RAB37: variants seen among roughly 807,000 people sequenced by gnomAD.
RAB37 encodes the protein RAB37, member RAS oncogene family.
In RAB37, 29 loss-of-function variants were observed where a neutral mutation model predicts 33.1. The observed-to-expected ratio is 0.88, with a 90% CI of 0.65 to 1.20. RAB37 has a LOEUF of 1.20. Among genes scored for constraint, RAB37 ranks in the 50% most tolerant of loss-of-function variants. The probability of loss-of-function intolerance (pLI) is 0.00; values close to 1 mark genes in which losing one functional copy is unlikely to be tolerated. For missense variants in RAB37, 299 were observed against 301.1 expected (o/e 0.99, Z 0.05); for synonymous variants, 128 against 119.5 (o/e 1.07, Z -0.47).
chr17:74,688,288 G>A (rs1400483118), intron 1 of RAB37, among the ~76,000 whole-genome samples: 11 of 152,180 alleles, frequency 7.2e-5, no homozygotes, highest in Admixed American at 6.5e-4. Context: ...GGTGGCTCAC[G>A]TCTGTAATCC....
In RAB37 at chr17:74,676,679, T is replaced by C. The variant is rs1185180380; in HGVS notation, c.72+5021T>C. ...TCATTGTCGAGAATATAGACGCAAA[T>C]GATTCCCACCTTCACTAAGCCTGTG... is the stretch of plus-strand genomic sequence containing the variant. On this transcript the variant is annotated intron_variant, in intron 1 of 7. Transcript: ENST00000340415. This position sits in a 1 kb window ranked among gnomAD's most constrained non-coding sequence, Gnocchi z 4.1. Among the ~76,000 whole-genome samples, 3 of 152,168 alleles carry C rather than the reference T, an allele frequency of 2.0e-5. No individual in the cohort carries two copies. In the South Asian group the frequency reaches 6.2e-4, roughly 32 times the overall value.
At chr17:74,708,321 A>G (rs2033679646) in intron 1 of RAB37, among the ~76,000 whole-genome samples, 1 of 152,164 alleles carries the variant, frequency 6.6e-6, no homozygotes, top group African/African-American at 2.4e-5. Flanking sequence ...ATACAGCTTC[A>G]ATGGAAATAT....
intron 1 of RAB37, among the ~76,000 whole-genome samples, chr17:74,699,339 CCT>C (rs1305743257): frequency 6.6e-6 from 1 of 152,170 alleles, no homozygotes; most frequent in Non-Finnish European, 1.5e-5. Context: ...CTACACCTGC[CCT>C]CTCTACTGGG....
chr17:74,680,676 C>T (rs1434304601), intron 1 of RAB37, among the ~76,000 whole-genome samples: 1 of 152,056 alleles, frequency 6.6e-6, no homozygotes, highest in Admixed American at 6.6e-5. Context: ...TGCCTTGGGC[C>T]GGACAGTCAT....
chr17:74,740,734 C>T (rs759848524), intron 1 of RAB37, 34 bp from the exon 2 acceptor site: 3 of 1,428,676 alleles, frequency 2.1e-6, no homozygotes. Context: ...CTGCCCCTGA[C>T]TCCCCATTAA....
chr17:74,695,893 G>A (rs1475321848), intron 1 of RAB37: 1 of 1,602,252 alleles, frequency 6.2e-7, no homozygotes, highest in South Asian at 1.1e-5. Context: ...GGAGTCACAA[G>A]ATCTGTCTGT....
intron 1 of RAB37, among the ~76,000 whole-genome samples, chr17:74,724,068 CAA>C (rs1291863733): frequency 6.6e-6 from 1 of 152,138 alleles, no homozygotes; most frequent in East Asian, 1.9e-4. Flanking sequence ...AAATCTGAGA[CAA>C]GTCTCAGTTA....
At chr17:74,743,476 A>T (rs896373516) in intron 5 of RAB37, 136 bp downstream of exon 5, 1 of 863,478 alleles carries the variant, frequency 1.2e-6, no homozygotes, top group Non-Finnish European at 1.9e-6. Context: ...CCTACTTGTG[A>T]CTCAGAAGTC....
upstream of RAB37, chr17:74,737,009 G>A: frequency 1.2e-6 from 2 of 1,603,028 alleles, no homozygotes; most frequent in Admixed American, 1.7e-5. Flanking sequence ...CCCGGGGCTG[G>A]ATGTGGCTCA....
chr17:74,734,921 G>A (rs2034443703), upstream of RAB37, among the ~76,000 whole-genome samples: 1 of 131,124 alleles, frequency 7.6e-6, no homozygotes, highest in African/African-American at 3.1e-5. Flanking sequence ...AAGGAAGGAA[G>A]GAGAGAAAGA....
chr17:74,738,489 G>A lies in RAB37; in HGVS notation c.93+1124G>A, dbSNP rs922490563. Among the ~76,000 whole-genome samples the A allele has an allele frequency of 6.6e-6, 1 of 152,186 alleles. No individual in the cohort carries two copies. Among genetic ancestry groups the A allele is most frequent in the Admixed American group, 6.5e-5 (1 of 15,282 alleles). ...CCTTGTTGCCCTGCAAACCAGCTGG[G>A]TTGTTTGCCTAGGAGGTGGCCAGGC... On this transcript the variant is annotated intron_variant, in intron 1 of 8. Coordinates refer to ENST00000392613, the MANE Select transcript of RAB37 (RefSeq NM_001006638.3). This position sits in a 1 kb window ranked among gnomAD's most constrained non-coding sequence, Gnocchi z 5.0.
rs1230117797 is a variant in RAB37 at position 74,712,957 on chromosome 17, C to T, written c.73-16299C>T. On this transcript the variant is annotated intron_variant, in intron 1 of 7. Coordinates refer to the RAB37 transcript ENST00000340415. Reference sequence around the variant, plus strand: ...CCAGCCTTCTGCTGGTACTCACTCTCGCCCTTGAACTTCCTCCTTCAGTCA... The same window carrying T: ...CCAGCCTTCTGCTGGTACTCACTCTTGCCCTTGAACTTCCTCCTTCAGTCA... 7 of 1,307,550 alleles carry T rather than the reference C, an allele frequency of 5.4e-6. No homozygotes were observed. In the East Asian group the frequency reaches 7.3e-5, roughly 14 times the overall value. 81.0% of individuals were successfully genotyped at this position (1,307,550 alleles called of 1,614,324 possible).
chr17:74,710,180 G>T (rs371485322), intron 1 of RAB37, among the ~76,000 whole-genome samples: 2 of 151,768 alleles, frequency 1.3e-5, no homozygotes, highest in South Asian at 4.2e-4. Context: ...GGGTTTCACC[G>T]TAGCCAGGAT....
At chr17:74,695,334 TG>T in intron 1 of RAB37, 2 of 1,531,426 alleles carry the variant, frequency 1.3e-6, no homozygotes, top group Non-Finnish European at 1.8e-6. Flanking sequence ...AGGAGGATAG[TG>T]GGGATGGACC....
At chr17:74,731,052 C>A (rs1221900797) in intron 2 of RAB37, among the ~76,000 whole-genome samples, 1 of 152,232 alleles carries the variant, frequency 6.6e-6, no homozygotes, top group Admixed American at 6.5e-5. Context: ...CAGGACAAAC[C>A]TGTTGCCTGC....
At chr17:74,711,499 C>T (rs1338432055) in intron 1 of RAB37, among the ~76,000 whole-genome samples, 1 of 152,222 alleles carries the variant, frequency 6.6e-6, no homozygotes, top group African/African-American at 2.4e-5. Context: ...TCTTCCTGTA[C>T]CAGCCTAGCA....
intron 1 of RAB37, chr17:74,704,713 GT>G: frequency 6.2e-7 from 1 of 1,614,204 alleles, no homozygotes; most frequent in Non-Finnish European, 8.5e-7. Flanking sequence ...ACCACTTCAA[GT>G]AGGTCTCCCA....
chr17:74,731,865 C>T (rs570937860), intron 2 of RAB37, among the ~76,000 whole-genome samples: 1 of 152,224 alleles, frequency 6.6e-6, no homozygotes, highest in Non-Finnish European at 1.5e-5. Context: ...AAAACGTTTG[C>T]CAGGCGTGGT....
intron 1 of RAB37, among the ~76,000 whole-genome samples, chr17:74,722,152 G>A (rs1252526509): frequency 7.2e-5 from 11 of 151,970 alleles, no homozygotes; most frequent in South Asian, 2.1e-4. Context: ...GCGTGGTGGC[G>A]GGCGCCTGTA....
Sources: allele counts gnomAD v4.1 joint callset (sites outside exome capture counted in the v4.1 genomes callset), GRCh38; gene constraint gnomAD v4.1.1; non-coding constraint Gnocchi (gnomAD v3.1); transcripts MANE v1.5; gene names NCBI Gene and HGNC (gene_info 2026-07-23, HGNC 2026-07-21).